CRTAC1: variants seen among roughly 807,000 people sequenced by gnomAD.
The protein encoded by CRTAC1 is cartilage acidic protein 1.
In CRTAC1, 37 loss-of-function variants were observed where a neutral mutation model predicts 67.8. That is an observed-to-expected ratio of 0.55 (90% confidence interval 0.42 to 0.72). CRTAC1 has a LOEUF of 0.72. CRTAC1 is among the 30% of genes least tolerant of loss of function. The pLI, the probability that CRTAC1 is intolerant of heterozygous loss-of-function variation, is 0.00. For synonymous variants in CRTAC1, 348 were observed against 371.0 expected (o/e 0.94, Z 0.71); for missense variants, 780 against 931.6 (o/e 0.84, Z 2.12).
intron 2 of CRTAC1, among the ~76,000 whole-genome samples, chr10:98,008,261 C>A (rs1590287238): frequency 6.6e-6 from 1 of 152,182 alleles, no homozygotes; most frequent in Non-Finnish European, 1.5e-5. Flanking sequence ...TTTCAGCATG[C>A]CTTTGAGAGA....
chr10:97,917,897 T>A (rs1028547253), intron 4 of CRTAC1, among the ~76,000 whole-genome samples: 1 of 152,132 alleles, frequency 6.6e-6, no homozygotes, highest in Admixed American at 6.5e-5. Flanking sequence ...TTTCCTTCCA[T>A]CCTGTTCCAG....
chr10:97,869,075 G>A (rs2050061320), intron 14 of CRTAC1: 1 of 152,272 alleles, frequency 6.6e-6, no homozygotes, highest in African/African-American at 2.4e-5. Flanking sequence ...AAACTGCAAG[G>A]AAGAAGACAG....
At chr10:98,002,761 C>CTTTTTTTTTTTT (rs531021933) in intron 2 of CRTAC1, among the ~76,000 whole-genome samples, 1 of 37,268 alleles carries the variant, frequency 2.7e-5, no homozygotes, top group African/African-American at 8.0e-5. Context: ...ACAAAACTCA[C>CTTTTTTTTTTTT]TTTTTTTTTT....
At chr10:98,025,697 T>G (rs1415428075) in intron 1 of CRTAC1, among the ~76,000 whole-genome samples, 1 of 152,238 alleles carries the variant, frequency 6.6e-6, no homozygotes, top group East Asian at 1.9e-4. Flanking sequence ...CAGAAATCCC[T>G]AGCAGAGCCC....
chr10:97,869,625 C>T (rs978852928), intron 14 of CRTAC1: 1 of 152,280 alleles, frequency 6.6e-6, no homozygotes, highest in Non-Finnish European at 1.5e-5. Flanking sequence ...CTCGAGGTGC[C>T]ACTGAGTGGC....
chr10:97,894,715 T>TATATATATAC (rs2050426964), intron 11 of CRTAC1, among the ~76,000 whole-genome samples: 1 of 8,804 alleles, frequency 1.1e-4, no homozygotes, highest in Admixed American at 6.9e-4. Flanking sequence ...CTTTTACATA[T>TATATATATAC]ATATATATAT....
chr10:97,968,398 A>C (rs936636364), intron 2 of CRTAC1, among the ~76,000 whole-genome samples: 1 of 152,116 alleles, frequency 6.6e-6, no homozygotes, highest in East Asian at 1.9e-4. Context: ...ACGTGCCACC[A>C]TGCCTGGCTA....
chr10:97,902,403 A>G (rs773337364), intron 7 of CRTAC1, among the ~76,000 whole-genome samples: 6 of 151,952 alleles, frequency 3.9e-5, no homozygotes, highest in Non-Finnish European at 7.4e-5. Context: ...GAGTCTTTTT[A>G]TTTTTATTTT....
intron 3 of CRTAC1, among the ~76,000 whole-genome samples, chr10:97,926,153 C>A (rs1030982474): frequency 1.3e-5 from 2 of 152,180 alleles, no homozygotes; most frequent in Non-Finnish European, 2.9e-5. Flanking sequence ...GAGGCTTCAG[C>A]ACAGGCCTGT....
At chr10:97,902,914 C>T (rs1442831323) in intron 7 of CRTAC1, among the ~76,000 whole-genome samples, 1 of 151,726 alleles carries the variant, frequency 6.6e-6, no homozygotes, top group Admixed American at 6.6e-5. Flanking sequence ...TTGAGCTGGG[C>T]CTTAAGAGCC....
At chr10:97,918,065 T>C (rs1468081566) in intron 4 of CRTAC1, among the ~76,000 whole-genome samples, 1 of 152,020 alleles carries the variant, frequency 6.6e-6, no homozygotes, top group African/African-American at 2.4e-5. Flanking sequence ...ATTCTCAGTC[T>C]CTCTCTCCCA....
chr10:97,950,302 T>C (rs1410832184), intron 2 of CRTAC1, among the ~76,000 whole-genome samples: 1 of 147,172 alleles, frequency 6.8e-6, no homozygotes, highest in Non-Finnish European at 1.5e-5. Context: ...ATGGCTATTA[T>C]CTGTAGCAGA....
At chr10:97,970,753 G>A (rs932824259) in intron 2 of CRTAC1, among the ~76,000 whole-genome samples, 1 of 152,178 alleles carries the variant, frequency 6.6e-6, no homozygotes, top group African/African-American at 2.4e-5. Flanking sequence ...AACTCCATGA[G>A]GGCAGGGATT....
chr10:98,021,246 G>A (rs994592797), intron 1 of CRTAC1, among the ~76,000 whole-genome samples: 6 of 152,094 alleles, frequency 3.9e-5, no homozygotes, highest in Non-Finnish European at 7.3e-5. Flanking sequence ...CCCCCAGAAG[G>A]TGGCATGTTT....
chr10:97,971,402 C>T (rs564263081), intron 2 of CRTAC1, among the ~76,000 whole-genome samples: 1 of 152,288 alleles, frequency 6.6e-6, no homozygotes, highest in South Asian at 2.1e-4. Flanking sequence ...AAGTCAGCCG[C>T]AGAAAGGCAA....
At chr10:98,022,750 C>T (rs950032200) in intron 1 of CRTAC1, among the ~76,000 whole-genome samples, 4 of 151,918 alleles carry the variant, frequency 2.6e-5, no homozygotes, top group Admixed American at 1.3e-4. Flanking sequence ...GTTTTGAAGT[C>T]GGGCAGAGAC....
chr10:97,949,805 A>G (rs1355471466), intron 2 of CRTAC1, among the ~76,000 whole-genome samples: 1 of 152,254 alleles, frequency 6.6e-6, no homozygotes, highest in Non-Finnish European at 1.5e-5. Context: ...GTACAAAGTG[A>G]GGATGCTGAG....
At chr10:97,999,950 G>A (rs1023126500) in intron 2 of CRTAC1, among the ~76,000 whole-genome samples, 4 of 152,152 alleles carry the variant, frequency 2.6e-5, no homozygotes, top group African/African-American at 9.6e-5. Flanking sequence ...TCCCTGCTGA[G>A]AGCTGCCCAG....
At chr10:97,964,949 G>A (rs1364927036) in intron 2 of CRTAC1, among the ~76,000 whole-genome samples, 2 of 152,168 alleles carry the variant, frequency 1.3e-5, no homozygotes, top group Non-Finnish European at 2.9e-5. Flanking sequence ...AGCCCAGCTG[G>A]TAGGAGACCC....
Sources: allele counts gnomAD v4.1 joint callset (sites outside exome capture counted in the v4.1 genomes callset), GRCh38; gene constraint gnomAD v4.1.1; transcripts MANE v1.5; gene names NCBI Gene and HGNC (gene_info 2026-07-23, HGNC 2026-07-21).